The following MAF variants were observed in gnomAD, a reference collection of about 807,000 sequenced individuals.
The protein encoded by MAF is transcription factor Maf.
Under a neutral mutation model 22.0 loss-of-function variants are expected in MAF, and 10 were observed. That is an observed-to-expected ratio of 0.45 (90% confidence interval 0.28 to 0.77). The LOEUF (loss-of-function observed/expected upper bound fraction) is 0.77. Ranked by LOEUF, MAF falls within the 30% of genes least tolerant of loss-of-function variation. The pLI is 0.12. For missense variants in MAF, 544 were observed against 548.4 expected, an observed-to-expected ratio of 0.99 and a Z score of 0.08; for synonymous variants, 337 against 255.8, an observed-to-expected ratio of 1.32 and a Z score of -3.03.
chr16:79,577,153 C>A, the MAF span, among the ~76,000 whole-genome samples: 1 of 152,090 alleles, frequency 6.6e-6, no homozygotes, highest in African/African-American at 2.4e-5. Context: ...TTTTCAGAGC[C>A]GGAGGGGTCT....
chr16:79,583,108 C>T (rs1304359532), downstream of MAF, among the ~76,000 whole-genome samples: 1 of 152,178 alleles, frequency 6.6e-6, no homozygotes, highest in African/African-American at 2.4e-5. Flanking sequence ...CGCTAAGACA[C>T]CCACACCAAC....
At chr16:79,215,949 G>C in the MAF span, among the ~76,000 whole-genome samples, 1 of 152,154 alleles carries the variant, frequency 6.6e-6, no homozygotes, top group African/African-American at 2.4e-5. Context: ...CACTCAGTCA[G>C]ACACTGTCAG....
chr16:79,454,881 G>T, the MAF span, among the ~76,000 whole-genome samples: 1 of 152,110 alleles, frequency 6.6e-6, no homozygotes, highest in African/African-American at 2.4e-5. Flanking sequence ...TGGATCACCT[G>T]AGGTCGGGAG....
the MAF span, among the ~76,000 whole-genome samples, chr16:79,495,622 G>C: frequency 6.6e-5 from 10 of 152,198 alleles, no homozygotes; most frequent in African/African-American, 2.4e-4. Flanking sequence ...CCAGAGATTA[G>C]GGCATGAATA....
At chr16:79,451,492 A>T in the MAF span, among the ~76,000 whole-genome samples, 1 of 152,310 alleles carries the variant, frequency 6.6e-6, no homozygotes, top group East Asian at 1.9e-4. Context: ...GCCTTCCTTG[A>T]AGCATTTCTG....
At chr16:79,558,956 C>T in the MAF span, among the ~76,000 whole-genome samples, 1,392 of 152,290 alleles carry the variant, frequency 9.1e-3, 28 homozygotes, top group African/African-American at 0.032. Context: ...CTTGCCTGGG[C>T]ACATGCATTT....
the MAF span, among the ~76,000 whole-genome samples, chr16:79,436,292 A>G: frequency 2.0e-4 from 31 of 152,206 alleles, no homozygotes; most frequent in African/African-American, 7.2e-4. Flanking sequence ...CATGTTGGCC[A>G]GACTGGTCTT....
At chr16:79,339,949 A>T in the MAF span, among the ~76,000 whole-genome samples, 3 of 152,214 alleles carry the variant, frequency 2.0e-5, no homozygotes, top group African/African-American at 7.2e-5. Flanking sequence ...CAATTTAAAA[A>T]GTTACCATCT....
At position 79,598,581 on chromosome 16, in the gene MAF, GGTGTGT is replaced by G. The variant is rs5818250; in HGVS notation, c.1118+198_1118+203del. ...CACCACAAACTCGAGCAGGGTGTGG[GGTGTGT>G]GTGTGTGTGTGTGTGTGTGTGTGGT... On this transcript the variant is annotated intron_variant, in intron 1 of 1. Coordinates refer to ENST00000326043, the MANE Select transcript of MAF (RefSeq NM_005360.5). 5,039 of 1,409,968 alleles carry G rather than the reference GGTGTGT, an allele frequency of 3.6e-3. 6 individuals carry two copies. Among genetic ancestry groups the G allele is most frequent in the Non-Finnish European group, 4.0e-3 (4,258 of 1,073,076 alleles). The allele number at this position is 1,409,968 out of a possible 1,614,324, so 87.3% of individuals were successfully genotyped here.
the MAF span, among the ~76,000 whole-genome samples, chr16:79,546,631 ACT>A: frequency 1.3e-5 from 2 of 152,066 alleles, no homozygotes; most frequent in Non-Finnish European, 2.9e-5. Context: ...TTGGCTCTAA[ACT>A]CTATCTCTTA....
the MAF span, among the ~76,000 whole-genome samples, chr16:79,360,285 C>G: frequency 6.6e-6 from 1 of 152,216 alleles, no homozygotes; most frequent in Admixed American, 6.5e-5. Context: ...TCTCTGCTCT[C>G]CTGGGGAATC....
chr16:79,428,870 T>G, the MAF span, among the ~76,000 whole-genome samples: 8 of 150,732 alleles, frequency 5.3e-5, no homozygotes, highest in Admixed American at 1.3e-4. Context: ...ATAATAATAA[T>G]AGTAATAATG....
the MAF span, among the ~76,000 whole-genome samples, chr16:79,565,573 T>C: frequency 6.6e-6 from 1 of 152,180 alleles, no homozygotes; most frequent in Admixed American, 6.5e-5. Context: ...GTTCTTGTGA[T>C]AGTGAGTTCT....
At chr16:79,512,584 CT>C in the MAF span, among the ~76,000 whole-genome samples, 1 of 152,176 alleles carries the variant, frequency 6.6e-6, no homozygotes, top group Non-Finnish European at 1.5e-5. Context: ...AAGAAACCTC[CT>C]TCTGCCCGGC....
chr16:79,460,818 T>G, the MAF span, among the ~76,000 whole-genome samples: 2 of 152,088 alleles, frequency 1.3e-5, no homozygotes, highest in Non-Finnish European at 2.9e-5. Flanking sequence ...AAAGGCATTT[T>G]AAAGCTTTGC....
At chr16:79,302,620 G>C in the MAF span, among the ~76,000 whole-genome samples, 3 of 152,338 alleles carry the variant, frequency 2.0e-5, no homozygotes, top group East Asian at 5.8e-4. Context: ...CTTGCAGAAA[G>C]TTTGGTAATG....
chr16:79,434,642 TATATA>T, the MAF span, among the ~76,000 whole-genome samples: 1 of 151,568 alleles, frequency 6.6e-6, no homozygotes, highest in Non-Finnish European at 1.5e-5. Flanking sequence ...TAATAAATAA[TATATA>T]ATTAAAGTAG....
At chr16:79,296,540 T>A in the MAF span, among the ~76,000 whole-genome samples, 1 of 152,078 alleles carries the variant, frequency 6.6e-6, no homozygotes, top group South Asian at 2.1e-4. Context: ...AATTTTTTTT[T>A]AAAAGAAAAA....
the MAF span, among the ~76,000 whole-genome samples, chr16:79,503,516 CAT>C: frequency 6.6e-6 from 1 of 152,202 alleles, no homozygotes; most frequent in Non-Finnish European, 1.5e-5. Flanking sequence ...CTTTGAGATA[CAT>C]CTCCCTACTG....
Sources: gnomAD v4.1 joint callset for allele counts (sites outside exome capture counted in the v4.1 genomes callset) on GRCh38, gnomAD v4.1.1 for gene constraint, MANE v1.5 for transcripts, NCBI Gene and HGNC (gene_info 2026-07-23, HGNC 2026-07-21) for gene names.